LSS: variants seen among roughly 807,000 people sequenced by gnomAD.
LSS encodes the protein 2,3-epoxysqualene-lanosterol cyclase.
LSS carries 90 observed loss-of-function variants against 110.3 expected under a neutral mutation model. That is an observed-to-expected ratio of 0.82 (90% CI 0.69 to 0.97). The LOEUF (loss-of-function observed/expected upper bound fraction) is 0.97. LSS is among the 50% of genes least tolerant of loss of function. The pLI is 0.00. For missense variants in LSS, 927 were observed against 990.0 expected, an observed-to-expected ratio of 0.94 and a Z score of 0.85; for synonymous variants, 433 against 400.0, an observed-to-expected ratio of 1.08 and a Z score of -0.98.
In LSS at chr21:46,188,665, C is replaced by T. The variant is rs765758643; in HGVS notation, c.*2439G>A. ...CCAATTGTGAACAAAAAGTCCTCTT[C>T]GTGGAACAGGAAAAATACACTCCCT... On this transcript the variant is annotated 3_prime_UTR_variant, in exon 22 of 22. Transcript: ENST00000397728. 2 of 470,842 alleles carry T rather than the reference C, an allele frequency of 4.2e-6. No homozygotes were observed. The highest frequency in any genetic ancestry group is 3.1e-5 in the South Asian group (2 of 64,536). The allele number at this position is 470,842 out of a possible 1,614,324, so 29.2% of individuals were successfully genotyped here.
chr21:46,196,483 G>C, intron 17 of LSS: 1 of 560,408 alleles, frequency 1.8e-6, no homozygotes, highest in Middle Eastern at 4.5e-4. Context: ...AAAGGGACGT[G>C]AGGGGAAAGC....
chr21:46,189,008 T>C lies in LSS; in HGVS notation c.*2096A>G, dbSNP rs1465474231. On this transcript the variant is annotated 3_prime_UTR_variant, in exon 22 of 22. Transcript: ENST00000397728. ...CACCCTGCTACTCCTCACGTCACTC[T>C]TGTTCCCTAAACCAGGCTGGGCCTC... The C allele has an allele frequency of 3.0e-6, 1 of 330,526 alleles. No homozygotes were observed. Among genetic ancestry groups the C allele is most frequent in the South Asian group, 2.5e-5 (1 of 40,624 alleles). 20.5% of individuals were successfully genotyped at this position (330,526 alleles called of 1,614,324 possible).
At chr21:46,202,445 T>C (rs1327219625) in intron 17 of LSS, among the ~76,000 whole-genome samples, 1 of 151,260 alleles carries the variant, frequency 6.6e-6, no homozygotes, top group Non-Finnish European at 1.5e-5. Context: ...ATCACACTAA[T>C]ATATTTAACC....
In LSS at chr21:46,207,512, CA is replaced by C; in HGVS notation, c.1382del (p.Leu461Ter). ...TCTCCTGCAGGAGCAGCACAGCCTT[CA>C]AGGCCTCAGCCGTGCAGTCAGAAAC... The part of the protein sequence containing the change: ...WIVSDCTAEA[L>X]KAVLLLQEKC... On this transcript the variant is annotated frameshift_variant, in exon 15 of 22. Coordinates refer to ENST00000397728, the MANE Select transcript of LSS (RefSeq NM_002340.6). 6.2e-7 allele frequency: 1 copy of C among 1,612,344 alleles called. No individual in the cohort carries two copies. Among genetic ancestry groups the C allele is most frequent in the Non-Finnish European group, 8.5e-7 (1 of 1,179,420 alleles).
chr21:46,190,886 A>G lies in LSS; in HGVS notation c.*218T>C. 1.7e-6 allele frequency: 1 copy of G among 571,518 alleles called. No homozygotes were observed. The highest frequency in any genetic ancestry group is 3.1e-6 in the Non-Finnish European group (1 of 326,094). The allele number at this position is 571,518 out of a possible 1,614,324, so 35.4% of individuals were successfully genotyped here. ...CCCCCTTCCTCACCCAAGCCCGACA[A>G]GCTACTTTCAGAAATGAACCTACAG... On this transcript the variant is annotated 3_prime_UTR_variant, in exon 22 of 22. Transcript: ENST00000397728. The surrounding 1 kb of genome is among the most constrained non-coding windows in gnomAD (Gnocchi z 4.6).
rs564780959 is a variant in LSS, at chr21:46,215,186, G to A, written c.1005C>T (p.Ile335=). ...ADDRFTKSIS[I]GPISKTINML... ...GCCGGGCAGGGGCACTGACCGGGCC[G>A]ATGCTGATGCTCTTGGTGAATCGGT... Residue 335 remains isoleucine (I), a synonymous_variant, in exon 9 of 22, where the codon ATC becomes ATT. Transcript: ENST00000397728. 11 of 1,609,634 alleles carry A rather than the reference G, an allele frequency of 6.8e-6. No individual in the cohort carries two copies. The highest frequency in any genetic ancestry group is 2.7e-5 in the African/African-American group (2 of 74,970).
Position 46,209,389 on chromosome 21 carries a change from T to A in LSS, c.1266+165A>T, listed in dbSNP as rs1416597688. ...GTGAGGCCAGCCCGAGGAGGACCGG[T>A]GGATGGAGCAGGGGCTAGGGAGGGG... On this transcript the variant is annotated intron_variant, in intron 13 of 21. Transcript: ENST00000397728. The surrounding 1 kb of genome is among the most constrained non-coding windows in gnomAD (Gnocchi z 4.4). 1.4e-5 allele frequency among the ~76,000 whole-genome samples: 2 copies of A among 143,350 alleles called. No individual in the cohort carries two copies. Among genetic ancestry groups the A allele is most frequent in the Non-Finnish European group, 3.1e-5 (2 of 65,236 alleles). The allele number at this position is 143,350 out of a possible 152,430, so 94.0% of individuals were successfully genotyped here. A position where few individuals can be genotyped will look rare whatever the true frequency, so the allele number is the denominator to read the frequency against.
chr21:46,189,740 C>T lies in LSS; in HGVS notation c.*1364G>A, dbSNP rs560750345. The T allele has an allele frequency of 9.0e-5, 41 of 457,000 alleles. No homozygotes were observed. Among genetic ancestry groups the T allele is most frequent in the South Asian group, 5.7e-4 (37 of 64,546 alleles). The allele number at this position is 457,000 out of a possible 1,614,324, so 28.3% of individuals were successfully genotyped here. ...CAGGGACTGCTACCTGCCCAGAAGG[C>T]GGCAGGGAGGGGAAGAGCAGATAAG... On this transcript the variant is annotated 3_prime_UTR_variant, in exon 22 of 22. Transcript: ENST00000397728.
intron 6 of LSS, among the ~76,000 whole-genome samples, chr21:46,217,120 G>A (rs1378029100): frequency 1.3e-5 from 2 of 151,808 alleles, no homozygotes; most frequent in Non-Finnish European, 2.9e-5. Flanking sequence ...GGTGGTGTGT[G>A]CCTCTAGTCC....
At chr21:46,207,403 G>A (rs1382326427) in intron 15 of LSS, 25 bp downstream of exon 15, 8 of 1,608,918 alleles carry the variant, frequency 5.0e-6, no homozygotes, top group Middle Eastern at 1.6e-4. Context: ...AGGTATGGAC[G>A]GGGCTGCTGG....
intron 11 of LSS, among the ~76,000 whole-genome samples, chr21:46,211,598 C>T (rs1428737412): frequency 6.6e-6 from 1 of 152,182 alleles, no homozygotes; most frequent in African/African-American, 2.4e-5. Context: ...ACTGACCAGA[C>T]AGACATGGGG....
At chr21:46,196,099 G>C in intron 18 of LSS, 103 bp downstream of exon 18, 1 of 1,187,438 alleles carries the variant, frequency 8.4e-7, no homozygotes, top group Non-Finnish European at 1.2e-6. Flanking sequence ...GAAACTTCTG[G>C]TGTAGCAACA....
intron 17 of LSS, among the ~76,000 whole-genome samples, chr21:46,204,095 C>A (rs2080014353): frequency 6.6e-6 from 1 of 152,136 alleles, no homozygotes; most frequent in South Asian, 2.1e-4. Flanking sequence ...GAGTTCAAGA[C>A]CAGCTTGGAC....
chr21:46,219,056 T>A (rs534227715), intron 6 of LSS, among the ~76,000 whole-genome samples: 1 of 152,154 alleles, frequency 6.6e-6, no homozygotes, highest in Non-Finnish European at 1.5e-5. Flanking sequence ...GCACACACGC[T>A]GAGTCCACAG....
chr21:46,196,802 T>C (rs926702223), intron 17 of LSS, among the ~76,000 whole-genome samples: 10 of 152,044 alleles, frequency 6.6e-5, no homozygotes, highest in African/African-American at 2.4e-4. Flanking sequence ...GGGACCGAGG[T>C]CTGTGTGACC....
At chr21:46,210,467 T>C (rs906793663) in intron 12 of LSS, among the ~76,000 whole-genome samples, 6 of 151,958 alleles carry the variant, frequency 3.9e-5, no homozygotes, top group Non-Finnish European at 7.4e-5. Context: ...CTCCAGCCCC[T>C]GCCCTCCCAA....
At chr21:46,192,223 C>G in intron 20 of LSS, 1 of 563,452 alleles carries the variant, frequency 1.8e-6, no homozygotes, top group Non-Finnish European at 3.2e-6. Flanking sequence ...GGTGTTCCCC[C>G]CTGAAGAGGA....
At chr21:46,204,984 C>G (rs1384157171) in intron 17 of LSS, among the ~76,000 whole-genome samples, 3 of 152,046 alleles carry the variant, frequency 2.0e-5, no homozygotes, top group Non-Finnish European at 2.9e-5. Flanking sequence ...GAGTCTACAC[C>G]AGGTTGAACA....
At chr21:46,199,735 T>C (rs1039503888) in intron 17 of LSS, among the ~76,000 whole-genome samples, 1 of 152,112 alleles carries the variant, frequency 6.6e-6, no homozygotes, top group East Asian at 1.9e-4. Context: ...CTAAGTGAAA[T>C]AGGTCAGTCT....
Sources: allele counts gnomAD v4.1 joint callset (sites outside exome capture counted in the v4.1 genomes callset), GRCh38; gene constraint gnomAD v4.1.1; non-coding constraint Gnocchi (gnomAD v3.1); transcripts MANE v1.5; gene names NCBI Gene and HGNC (gene_info 2026-07-23, HGNC 2026-07-21).